MN1: variants seen among roughly 807,000 people sequenced by gnomAD.
The protein encoded by MN1 is MN1 proto-oncogene, transcriptional regulator, also known as transcriptional activator MN1.
MN1 carries 19 observed loss-of-function variants against 86.9 expected under a neutral mutation model. That is an observed-to-expected ratio of 0.22 (90% CI 0.15 to 0.32). The LOEUF (loss-of-function observed/expected upper bound fraction) is 0.32. MN1 is among the 10% of genes least tolerant of loss of function. The pLI is 1.00. For synonymous variants in MN1, 928 were observed against 849.6 expected, an observed-to-expected ratio of 1.09 and a Z score of -1.60; for missense variants, 1,841 against 1,862.0, an observed-to-expected ratio of 0.99 and a Z score of 0.21.
At chr22:27,787,894 T>C (rs1360917723) in intron 1 of MN1, among the ~76,000 whole-genome samples, 1 of 152,142 alleles carries the variant, frequency 6.6e-6, no homozygotes, top group Non-Finnish European at 1.5e-5. Flanking sequence ...TCCTGACTGC[T>C]AACAGACCCA....
Position 27,799,120 on chromosome 22 carries a change from C to G in MN1, c.1424G>C (p.Gly475Ala). The G allele has an allele frequency of 6.2e-7, 1 of 1,603,954 alleles. No individual in the cohort carries two copies. The change falls in exon 1 of 2, where the codon GGC (glycine) becomes GCC (alanine). Residue 475 changes from glycine to alanine, a missense_variant. Transcript: ENST00000302326. ...ATCCAGAGCGCCGTTGTGCATGCTG[C>G]CGTTCCACGAAGCGCAGCGGTCCAC... is the stretch of plus-strand genomic sequence containing the variant. ...AGVDRCASWNGSMHNGALDNH... is the reference protein window; with the variant it reads ...AGVDRCASWNASMHNGALDNH...
At chr22:27,761,276 T>G (rs1244812236) in intron 1 of MN1, among the ~76,000 whole-genome samples, 1 of 151,294 alleles carries the variant, frequency 6.6e-6, no homozygotes, top group African/African-American at 2.4e-5. Flanking sequence ...CTGTCCATTA[T>G]CCATCCTCTC....
intron 1 of MN1, among the ~76,000 whole-genome samples, chr22:27,752,616 C>T (rs898494898): frequency 3.9e-5 from 6 of 152,218 alleles, no homozygotes; most frequent in East Asian, 1.9e-4. Context: ...TTCTCATTTA[C>T]GGCTACCACA....
rs1270418121 is a variant in MN1, at chr22:27,799,282, G to A, written c.1262C>T (p.Pro421Leu). 1 of 1,587,460 alleles carries A rather than the reference G, an allele frequency of 6.3e-7. No homozygotes were observed. The highest frequency in any genetic ancestry group is 8.6e-7 in the Non-Finnish European group (1 of 1,166,918). ...IHRLENRSMH[P>L]YSEPVFSMQH... is the part of the protein sequence containing the mutation. Reference sequence around the variant, plus strand: ...CATGCTGAAAACAGGCTCGGAATAAGGGTGCATGCTCCGGTTCTCCAGCCG... The same window carrying A: ...CATGCTGAAAACAGGCTCGGAATAAAGGTGCATGCTCCGGTTCTCCAGCCG... Residue 421 changes from proline (P) to leucine (L), a missense_variant, in exon 1 of 2, where the codon CCT (proline) becomes CTT (leucine). By Grantham distance (98) the Pro-to-Leu change is moderately conservative. Transcript: ENST00000302326.
In MN1 at chr22:27,800,141, C is replaced by G; in HGVS notation, c.403G>C (p.Gly135Arg). 2 of 1,556,690 alleles carry G rather than the reference C, an allele frequency of 1.3e-6. No individual in the cohort carries two copies. Among genetic ancestry groups the G allele is most frequent in the East Asian group, 2.3e-5 (1 of 43,672 alleles). Residue 135 changes from glycine (G) to arginine (R), a missense_variant, in exon 1 of 2, where the codon GGC becomes CGC. Transcript: ENST00000302326. ...AGGCCTCCGGCTGCGCCGCCGTAGC[C>G]GAGCAGGCGACCCCCGTGCAGGCAC... ...ASCLHGGRLL[G>R]YGGAAGGLGS...
chr22:27,790,816 C>T (rs549379440), intron 1 of MN1, among the ~76,000 whole-genome samples: 7 of 152,282 alleles, frequency 4.6e-5, no homozygotes, highest in East Asian at 3.9e-4. Flanking sequence ...CAGCGAGGGG[C>T]GACGTGCGTC....
chr22:27,775,800 G>A (rs1439862757), intron 1 of MN1, among the ~76,000 whole-genome samples: 1 of 152,214 alleles, frequency 6.6e-6, no homozygotes, highest in Non-Finnish European at 1.5e-5. Flanking sequence ...GGCAGGGCCT[G>A]GGCCCCAAAG....
At position 27,800,094 on chromosome 22, in the gene MN1, G is replaced by C. The variant is rs765084880; in HGVS notation, c.450C>G (p.Ala150=). The C allele has an allele frequency of 1.6e-5, 25 of 1,588,148 alleles. No individual in the cohort carries two copies. The highest frequency in any genetic ancestry group is 5.1e-5 in the Admixed American group (3 of 58,340). Residue 150 remains alanine, a synonymous_variant, in exon 1 of 2, where the codon GCC becomes GCG. Transcript: ENST00000302326. The part of the protein sequence containing the change: ...AGGLGSQPPF[A]EGYEHMAESQ... Reference sequence around the variant, plus strand: ...TCTCCGCCATGTGCTCATAGCCCTCGGCGAAGGGCGGCTGGCTGCCCAGGC... The same window carrying C: ...TCTCCGCCATGTGCTCATAGCCCTCCGCGAAGGGCGGCTGGCTGCCCAGGC...
At chr22:27,792,317 CATATATATATATATATATAT>C (rs36207111) in intron 1 of MN1, among the ~76,000 whole-genome samples, 7 of 114,046 alleles carry the variant, frequency 6.1e-5, no homozygotes, top group South Asian at 3.1e-4. Flanking sequence ...ATAAAAATTG[CATATATATATATATATATAT>C]ATATATATAT....
chr22:27,799,353 G>A lies in MN1; in HGVS notation c.1191C>T (p.Gly397=). Residue 397 remains glycine, a synonymous_variant, in exon 1 of 2, where the codon GGC becomes GGT. Transcript: ENST00000302326. ...GTPSGGLQDG[G]PMLPSQHAQF... ...GCGCGTGCTGGCTGGGCAGCATGGG[G>A]CCTCCGTCCTGCAGGCCGCCGCTGG... 1 of 1,581,814 alleles carries A rather than the reference G, an allele frequency of 6.3e-7. No homozygotes were observed. Among genetic ancestry groups the A allele is most frequent in the South Asian group, 1.1e-5 (1 of 87,618 alleles).
chr22:27,797,405 C>T lies in MN1; in HGVS notation c.3139G>A (p.Asp1047Asn), dbSNP rs1401932496. 6.2e-7 allele frequency: 1 copy of T among 1,611,816 alleles called. No individual in the cohort carries two copies. The highest frequency in any genetic ancestry group is 8.5e-7 in the Non-Finnish European group (1 of 1,179,716). ...TTGGCGTAGCTCGTGCTCACCTCGT[C>T]CGAGGCGAACTCACCCACGTTTGGC... is the stretch of plus-strand genomic sequence containing the variant. Reference protein sequence around the residue: ...SSPNVGEFASDEVSTSYANED... With the variant: ...SSPNVGEFASNEVSTSYANED... Residue 1047 changes from aspartate to asparagine, a missense_variant, in exon 1 of 2, where the codon GAC becomes AAC. By Grantham distance (23) the Asp-to-Asn change is conservative. Coordinates refer to ENST00000302326, the MANE Select transcript of MN1 (RefSeq NM_002430.3).
At chr22:27,779,366 C>A (rs1041707827) in intron 1 of MN1, among the ~76,000 whole-genome samples, 4 of 152,292 alleles carry the variant, frequency 2.6e-5, no homozygotes, top group Non-Finnish European at 4.4e-5. Context: ...CCAATCACAT[C>A]CCGGCCCCCA....
intron 1 of MN1, among the ~76,000 whole-genome samples, chr22:27,761,030 T>C (rs1026177065): frequency 1.3e-5 from 2 of 152,032 alleles, no homozygotes; most frequent in African/African-American, 4.8e-5. Flanking sequence ...CAGCCAGCCA[T>C]CCGCAGAGCC....
At chr22:27,781,935 C>T (rs540947507) in intron 1 of MN1, among the ~76,000 whole-genome samples, 9 of 152,242 alleles carry the variant, frequency 5.9e-5, no homozygotes, top group East Asian at 1.9e-4. Flanking sequence ...ACCTGAGTTG[C>T]CAGACGCAGG....
intron 1 of MN1, among the ~76,000 whole-genome samples, chr22:27,795,888 C>T (rs566889448): frequency 1.9e-4 from 29 of 152,304 alleles, no homozygotes; most frequent in Admixed American, 3.9e-4. Context: ...CCTTAAAGGC[C>T]TCCAGGCCTG....
chr22:27,756,638 C>G (rs1012090537), intron 1 of MN1, among the ~76,000 whole-genome samples: 3 of 152,162 alleles, frequency 2.0e-5, no homozygotes, highest in Non-Finnish European at 4.4e-5. Context: ...GAGAACCTAC[C>G]TTGCAGGCTG....
At position 27,798,795 on chromosome 22, in the gene MN1, G is replaced by C. The variant is rs959901947; in HGVS notation, c.1749C>G (p.Asp583Glu). 1.3e-6 allele frequency: 2 copies of C among 1,535,246 alleles called. No individual in the cohort carries two copies. The highest frequency in any genetic ancestry group is 2.7e-5 in the African/African-American group (2 of 73,010). ...CATGCACCAGGCCGCCCTGGCCCAC[G>C]TCCCCGGGGTGGCCTAGCTGAGCCA... ...PNLAQLGHPG[D>E]VGQGGLVHGG... The change falls in exon 1 of 2, where the codon GAC becomes GAG. Residue 583 changes from aspartate to glutamate, a missense_variant. Physicochemically the swap from Asp to Glu is conservative, Grantham distance 45. Transcript: ENST00000302326.
intron 1 of MN1, among the ~76,000 whole-genome samples, chr22:27,787,881 G>A (rs1217286573): frequency 6.6e-6 from 1 of 152,116 alleles, no homozygotes; most frequent in African/African-American, 2.4e-5. Context: ...CAACAGAAAC[G>A]GGTCCTGACT....
chr22:27,783,016 G>A (rs1933074421), intron 1 of MN1, among the ~76,000 whole-genome samples: 1 of 152,096 alleles, frequency 6.6e-6, no homozygotes. Flanking sequence ...AGGCTATGGT[G>A]CTACTGCGGC....
Sources: allele counts gnomAD v4.1 joint callset (sites outside exome capture counted in the v4.1 genomes callset), GRCh38; gene constraint gnomAD v4.1.1; transcripts MANE v1.5; gene names NCBI Gene and HGNC (gene_info 2026-07-23, HGNC 2026-07-21).